Variants in FAT4 observed in about 807,000 individuals in gnomAD.
FAT4 encodes FAT atypical cadherin 4, also known as protocadherin Fat 4.
A neutral mutation model predicts 303.9 loss-of-function variants in FAT4; 84 were observed. That is an observed-to-expected ratio of 0.28 (90% CI 0.23 to 0.33). The LOEUF (loss-of-function observed/expected upper bound fraction) is 0.33, where lower values mean the gene tolerates loss of function less well. Ranked by LOEUF, FAT4 falls within the 10% of genes least tolerant of loss-of-function variation. The pLI is 1.00. For synonymous variants in FAT4, 2,307 were observed against 2,298.8 expected (o/e 1.00, Z -0.10); for missense variants, 6,005 against 6,146.8 (o/e 0.98, Z 0.77).
Position 125,318,972 on chromosome 4 carries a change from T to C in FAT4, c.2561T>C (p.Ile854Thr). The change falls in exon 2 of 18, where the codon ATT becomes ACT. Residue 854 changes from isoleucine (I) to threonine (T), a missense_variant. Coordinates refer to ENST00000394329, the MANE Select transcript of FAT4 (RefSeq NM_001291303.3). ...GGGCAGCTTACCACAGCAAATGTGA[T>C]TGATAGAGAAGAGCAATCCTTTTAT... ...VTGQLTTANV[I>T]DREEQSFYQL... 2 of 1,614,196 alleles carry C rather than the reference T, an allele frequency of 1.2e-6. No individual in the cohort carries two copies. Among genetic ancestry groups the C allele is most frequent in the Non-Finnish European group, 1.7e-6 (2 of 1,180,034 alleles).
At chr4:125,407,175 G>T in intron 4 of FAT4, 34 bp downstream of exon 4, 1 of 1,571,994 alleles carries the variant, frequency 6.4e-7, no homozygotes, top group Non-Finnish European at 8.6e-7. Flanking sequence ...TATTTTGCAA[G>T]AATCGCTTTT....
chr4:125,440,096 T>G (rs1725601050), intron 8 of FAT4, among the ~76,000 whole-genome samples: 1 of 152,170 alleles, frequency 6.6e-6, no homozygotes, highest in Non-Finnish European at 1.5e-5. Flanking sequence ...ATATCATCTT[T>G]TTTACTCCTA....
intron 5 of FAT4, among the ~76,000 whole-genome samples, chr4:125,409,494 G>A (rs879389223): frequency 6.6e-6 from 1 of 152,120 alleles, no homozygotes; most frequent in South Asian, 2.1e-4. Flanking sequence ...GACCTCAGAT[G>A]ACCCGCCTGC....
At position 125,415,627 on chromosome 4, in the gene FAT4, AC is replaced by A; in HGVS notation, c.6668del (p.Pro2223LeufsTer5). On this transcript the variant is annotated frameshift_variant, in exon 6 of 18. Coordinates refer to ENST00000394329, the MANE Select transcript of FAT4 (RefSeq NM_001291303.3). LOFTEE classifies it high-confidence loss of function. The stretch of plus-strand genomic sequence containing the variant: ...CGCTAAACCTTTGGATAGAGAAAAG[AC>A]CCCTACCTACCATTTAACTGTTCAG... ...TVAKPLDREK[T>X]PTYHLTVQAT... 6.2e-7 allele frequency: 1 copy of A among 1,613,888 alleles called. No homozygotes were observed.
chr4:125,475,276 A>G (rs1726988997), intron 12 of FAT4, among the ~76,000 whole-genome samples: 1 of 152,100 alleles, frequency 6.6e-6, no homozygotes, highest in African/African-American at 2.4e-5. Context: ...TTACACAATA[A>G]TATAGATATA....
At chr4:125,356,920 T>C (rs2125982300) in intron 2 of FAT4, among the ~76,000 whole-genome samples, 1 of 152,022 alleles carries the variant, frequency 6.6e-6, no homozygotes, top group African/African-American at 2.4e-5. Context: ...TAGTTCTTTG[T>C]TGAACATTCA....
At chr4:125,472,092 G>GT (rs1203655387) in intron 12 of FAT4, among the ~76,000 whole-genome samples, 1 of 146,630 alleles carries the variant, frequency 6.8e-6, no homozygotes, top group African/African-American at 2.5e-5. Context: ...AAAAAAAAGG[G>GT]TAGTTACTGG....
At position 125,448,921 on chromosome 4, in the gene FAT4, T is replaced by C; in HGVS notation, c.7911T>C (p.Tyr2637=). 1 of 1,613,006 alleles carries C rather than the reference T, an allele frequency of 6.2e-7. No homozygotes were observed. The highest frequency in any genetic ancestry group is 8.5e-7 in the Non-Finnish European group (1 of 1,179,778). ...QPLDFEKIQK[Y]VVWIEARDGG... ...TGGATTTTGAAAAGATACAAAAATA[T>C]GTTGTATGGATAGAGGCCAGAGACG... is the stretch of plus-strand genomic sequence containing the variant. The change falls in exon 10 of 18, where the codon TAT becomes TAC. Residue 2637 remains tyrosine, a synonymous_variant. Transcript: ENST00000394329.
At chr4:125,331,032 C>A (rs1731360013) in intron 2 of FAT4, among the ~76,000 whole-genome samples, 1 of 152,220 alleles carries the variant, frequency 6.6e-6, no homozygotes, top group South Asian at 2.1e-4. Flanking sequence ...ACTTTCCCCA[C>A]ATCATTTCTG....
chr4:125,479,927 C>T lies in FAT4; in HGVS notation c.12604+62C>T, dbSNP rs17009769. 70,941 of 1,309,670 alleles carry T rather than the reference C, an allele frequency of 0.054. 2,035 individuals carry two copies. Among genetic ancestry groups the T allele is most frequent in the East Asian group, 0.058 (2,392 of 40,904 alleles). 81.1% of individuals were successfully genotyped at this position (1,309,670 alleles called of 1,614,324 possible). On this transcript the variant is annotated intron_variant, in intron 15 of 17. Transcript: ENST00000394329. ...ATAACTATGAAAAGTAAAATATATG[C>T]ACCCAAGTATGTAATCAAATTAAAA...
intron 2 of FAT4, among the ~76,000 whole-genome samples, chr4:125,366,177 A>G (rs577854939): frequency 6.6e-6 from 1 of 152,262 alleles, no homozygotes; most frequent in South Asian, 2.1e-4. Flanking sequence ...TTTGTTGTAC[A>G]GATTATTTCA....
At chr4:125,464,887 C>A (rs943821439) in intron 11 of FAT4, among the ~76,000 whole-genome samples, 14 of 152,130 alleles carry the variant, frequency 9.2e-5, no homozygotes, top group African/African-American at 3.4e-4. Flanking sequence ...GGGCATATAA[C>A]TGTGCTATAT....
Position 125,316,180 on chromosome 4 carries a change from C to T in FAT4, c.-13+203C>T, listed in dbSNP as rs1318576143. 1.3e-5 allele frequency among the ~76,000 whole-genome samples: 2 copies of T among 152,080 alleles called. No individual in the cohort carries two copies. The highest frequency in any genetic ancestry group is 2.1e-4 in the South Asian group (1 of 4,820). Reference sequence around the variant, plus strand: ...CTCACAGGAGTGTCCCGCGGAATGCCCTGCCGCTTTTCGCCACAGCATCTC... The same window carrying T: ...CTCACAGGAGTGTCCCGCGGAATGCTCTGCCGCTTTTCGCCACAGCATCTC... On this transcript the variant is annotated intron_variant, in intron 1 of 17. Transcript: ENST00000394329. This position sits in a 1 kb window ranked among gnomAD's most constrained non-coding sequence, Gnocchi z 5.7.
rs2126096514 is a variant in FAT4 at position 125,490,262 on chromosome 4, A to G, written c.13446A>G (p.Lys4482=). The part of the protein sequence containing the change: ...GVLCPQGKVC[K]AGSPAGHVCV... ...TCTGTCCTCAGGGGAAGGTGTGCAA[A>G]GCTGGAAGTCCTGCGGGGCATGTCT... The change falls in exon 18 of 18, where the codon AAA becomes AAG. Residue 4482 remains lysine (K), a synonymous_variant. Transcript: ENST00000394329. 1 of 1,614,032 alleles carries G rather than the reference A, an allele frequency of 6.2e-7. No homozygotes were observed. The highest frequency in any genetic ancestry group is 8.5e-7 in the Non-Finnish European group (1 of 1,180,018).
intron 8 of FAT4, among the ~76,000 whole-genome samples, chr4:125,439,924 T>G (rs959835849): frequency 2.0e-5 from 3 of 152,170 alleles, no homozygotes; most frequent in Admixed American, 6.5e-5. Context: ...ACATAAAAAT[T>G]TATACTTTAC....
rs1318054549 is a variant in FAT4, at chr4:125,317,376, C to A, written c.965C>A (p.Thr322Lys). 1 of 1,613,454 alleles carries A rather than the reference C, an allele frequency of 6.2e-7. No homozygotes were observed. Among genetic ancestry groups the A allele is most frequent in the Non-Finnish European group, 8.5e-7 (1 of 1,180,026 alleles). Residue 322 changes from threonine (T) to lysine (K), a missense_variant, in exon 2 of 18, where the codon ACG becomes AAG. Transcript: ENST00000394329. The surrounding 1 kb of genome is among the most constrained non-coding windows in gnomAD (Gnocchi z 7.0). ...GAAGCTCGGCGCCAATACTCGCTTA[C>A]GGTGCAGGCGATGGACAGAGGCGTG... The part of the protein sequence containing the change: ...DFEARRQYSL[T>K]VQAMDRGVPS...
At position 125,468,793 on chromosome 4, in the gene FAT4, A is replaced by G. The variant is rs758929165; in HGVS notation, c.12187A>G (p.Thr4063Ala). ...MKKVSDGHFH[T>A]VIARRAGMAA... ...GAAGGTGTCAGATGGACATTTTCAC[A>G]CTGTGATTGCCAGGAGAGCAGGAAT... Residue 4063 changes from threonine (T) to alanine (A), a missense_variant, in exon 12 of 18, where the codon ACT becomes GCT. Thr to Ala is a moderately conservative substitution (Grantham distance 58). Transcript: ENST00000394329. The G allele has an allele frequency of 1.9e-6, 3 of 1,612,310 alleles. No individual in the cohort carries two copies. The South Asian group carries it at 3.3e-5, about 18-fold the overall frequency.
chr4:125,355,751 G>T (rs1732399632), intron 2 of FAT4, among the ~76,000 whole-genome samples: 1 of 151,632 alleles, frequency 6.6e-6, no homozygotes, highest in Non-Finnish European at 1.5e-5. Flanking sequence ...GGACTCAATT[G>T]AATTGGAGAA....
At chr4:125,434,575 A>G (rs1725391518) in intron 8 of FAT4, 150 bp downstream of exon 8, 12 of 586,748 alleles carry the variant, frequency 2.0e-5, no homozygotes, top group Non-Finnish European at 2.9e-6. Context: ...CAATTCATTA[A>G]ATGAAGATTC....
Sources: gnomAD v4.1 joint callset for allele counts (sites outside exome capture counted in the v4.1 genomes callset) on GRCh38, gnomAD v4.1.1 for gene constraint, Gnocchi (gnomAD v3.1) non-coding constraint, MANE v1.5 for transcripts, NCBI Gene and HGNC (gene_info 2026-07-23, HGNC 2026-07-21) for gene names.